KLHL8: variants seen among roughly 807,000 people sequenced by gnomAD.
The protein encoded by KLHL8 is kelch-like protein 8.
A neutral mutation model predicts 63.5 loss-of-function variants in KLHL8; 38 were observed. The ratio of observed to expected loss-of-function variants is 0.60; its 90% CI spans 0.46 to 0.78. The LOEUF (loss-of-function observed/expected upper bound fraction) is 0.78, where lower values mean the gene tolerates loss of function less well. Ranked by LOEUF, KLHL8 falls within the 30% of genes least tolerant of loss-of-function variation. KLHL8 has a pLI of 0.00. For synonymous variants in KLHL8, 224 were observed against 254.3 expected (o/e 0.88, Z 1.13); for missense variants, 566 against 752.4 (o/e 0.75, Z 2.90).
At chr4:87,207,780 C>A in intron 1 of KLHL8, 1 of 889,376 alleles carries the variant, frequency 1.1e-6, no homozygotes. Context: ...CTGGCATGGC[C>A]TTCTGTGTCA....
At chr4:87,220,717 G>A (rs1024576183), upstream of KLHL8, 1 of 152,296 alleles carries the variant, frequency 6.6e-6, no homozygotes, top group Non-Finnish European at 1.5e-5. Context: ...TCGCCCCCGC[G>A]GCTCCCTAGT....
At chr4:87,179,273 T>C (rs759246420) in intron 4 of KLHL8, among the ~76,000 whole-genome samples, 1 of 152,202 alleles carries the variant, frequency 6.6e-6, no homozygotes, top group Non-Finnish European at 1.5e-5. Context: ...TTCCTCTCTA[T>C]TCCCAATACC....
chr4:87,166,721 G>C (rs1345016146), intron 8 of KLHL8: 3 of 152,280 alleles, frequency 2.0e-5, no homozygotes, highest in Admixed American at 1.3e-4. Context: ...ATTATGGTCT[G>C]AGAAATCACT....
intron 6 of KLHL8, among the ~76,000 whole-genome samples, chr4:87,172,136 G>C (rs948696220): frequency 6.6e-6 from 1 of 152,142 alleles, no homozygotes; most frequent in Admixed American, 6.5e-5. Context: ...AAGCAGAGAG[G>C]TTTCTCCAGC....
Position 87,204,028 on chromosome 4 carries a change from A to C in KLHL8, c.-151-8338T>G, listed in dbSNP as rs909358857. 2.0e-5 allele frequency among the ~76,000 whole-genome samples: 3 copies of C among 152,210 alleles called. No individual in the cohort carries two copies. The East Asian group carries it at 5.8e-4, about 29-fold the overall frequency. ...ACATGGATGGAAAATAAGCACACAA[A>C]AAGATGTTCAACATCACTGCCATTA... On this transcript the variant is annotated intron_variant, in intron 1 of 9. Coordinates refer to ENST00000273963, the MANE Select transcript of KLHL8 (RefSeq NM_020803.5).
intron 2 of KLHL8, 36 bp downstream of exon 2, chr4:87,195,288 A>T: frequency 6.5e-7 from 1 of 1,528,804 alleles, no homozygotes; most frequent in Non-Finnish European, 9.0e-7. Flanking sequence ...ATTACACTGA[A>T]GAGGCCTGAG....
chr4:87,234,368 G>A (rs1317658663), intron 1 of KLHL8, among the ~76,000 whole-genome samples: 2 of 151,976 alleles, frequency 1.3e-5, no homozygotes, highest in Non-Finnish European at 2.9e-5. Flanking sequence ...GAACCTGGGA[G>A]GCAGAGGTTG....
intron 1 of KLHL8, chr4:87,207,046 C>G (rs1019946527): frequency 2.0e-5 from 8 of 399,716 alleles, no homozygotes; most frequent in Admixed American, 1.6e-4. Context: ...ATTTGACACA[C>G]AGCTGCATCT....
chr4:87,211,054 T>A (rs1172981922), intron 1 of KLHL8, among the ~76,000 whole-genome samples: 2 of 152,238 alleles, frequency 1.3e-5, no homozygotes, highest in Non-Finnish European at 2.9e-5. Flanking sequence ...ATAGGCACCG[T>A]CTCTCTTCAC....
intron 1 of KLHL8, among the ~76,000 whole-genome samples, chr4:87,235,226 C>T (rs931707608): frequency 3.3e-5 from 5 of 152,294 alleles, no homozygotes; most frequent in Middle Eastern, 3.4e-3. Flanking sequence ...AACTTCCAGT[C>T]CTGCATGCTC....
At chr4:87,174,792 A>G (rs759582052) in intron 6 of KLHL8, among the ~76,000 whole-genome samples, 4 of 152,194 alleles carry the variant, frequency 2.6e-5, no homozygotes, top group Non-Finnish European at 4.4e-5. Context: ...ATAAAATTTA[A>G]TCTCCCATTT....
At chr4:87,232,320 T>A (rs903311281) in intron 1 of KLHL8, among the ~76,000 whole-genome samples, 2 of 152,262 alleles carry the variant, frequency 1.3e-5, no homozygotes, top group African/African-American at 4.8e-5. Flanking sequence ...TTCTTATTCT[T>A]ATTGTATTTG....
rs562521617 is a variant in KLHL8, at chr4:87,209,332, T to C, written c.-152+11086A>G. Among the ~76,000 whole-genome samples, 9 of 152,236 alleles carry C rather than the reference T, an allele frequency of 5.9e-5. No individual in the cohort carries two copies. The South Asian group carries it at 1.2e-3, about 21-fold the overall frequency. ...GTGGCACATCATTGTCATAACATGC[T>C]ACAGATGTCCATTTCTATCACATGT... On this transcript the variant is annotated intron_variant, in intron 1 of 9. Transcript: ENST00000273963.
chr4:87,195,628 T>A lies in KLHL8; in HGVS notation c.-89A>T. 1 of 1,034,864 alleles carries A rather than the reference T, an allele frequency of 9.7e-7. No individual in the cohort carries two copies. Among genetic ancestry groups the A allele is most frequent in the Non-Finnish European group, 1.5e-6 (1 of 685,474 alleles). 64.1% of individuals were successfully genotyped at this position (1,034,864 alleles called of 1,614,324 possible). Reference sequence around the variant, plus strand: ...GTAGAGAGAAGGCAGAAGGTAGATGTAGACACTACAATTCAGACGTTTTTC... The same window carrying A: ...GTAGAGAGAAGGCAGAAGGTAGATGAAGACACTACAATTCAGACGTTTTTC... On this transcript the variant is annotated 5_prime_UTR_variant, in exon 2 of 10. Transcript: ENST00000273963.
intron 1 of KLHL8, among the ~76,000 whole-genome samples, chr4:87,198,364 CCCAAGCTCATAG>C (rs1292206516): frequency 6.6e-6 from 1 of 151,934 alleles, no homozygotes; most frequent in Non-Finnish European, 1.5e-5. Context: ...TGATTTAATC[CCCAAGCTCATAG>C]TTTGCTGATC....
chr4:87,165,323 T>C (rs1730356745), intron 8 of KLHL8, among the ~76,000 whole-genome samples: 1 of 152,106 alleles, frequency 6.6e-6, no homozygotes, highest in African/African-American at 2.4e-5. Context: ...ATATAAAACA[T>C]TTTTTCATTA....
At chr4:87,232,441 T>C (rs1245044646) in intron 1 of KLHL8, among the ~76,000 whole-genome samples, 1 of 152,260 alleles carries the variant, frequency 6.6e-6, no homozygotes, top group East Asian at 1.9e-4. Flanking sequence ...TGATGGATAC[T>C]TGGATTACTT....
At position 87,160,457 on chromosome 4, in the gene KLHL8, GTTTACCA is replaced by G. The variant is rs1337650367; in HGVS notation, c.*3055_*3061del. On this transcript the variant is annotated 3_prime_UTR_variant, in exon 10 of 10. Transcript: ENST00000273963. The stretch of plus-strand genomic sequence containing the variant: ...AAAAAGAAACAAAGAAAATTCTCAA[GTTTACCA>G]TTTACAAGAATAGTTTATGCAATTT... The G allele has an allele frequency of 9.9e-5, 15 of 152,102 alleles. No homozygotes were observed. The allele number at this position is 152,102 out of a possible 1,614,324, so 9.4% of individuals were successfully genotyped here. A position where few individuals can be genotyped will look rare whatever the true frequency, so the allele number is the denominator to read the frequency against.
intron 1 of KLHL8, among the ~76,000 whole-genome samples, chr4:87,201,242 G>A (rs7656452): frequency 0.31 from 46,596 of 152,006 alleles, 7,801 homozygotes; most frequent in Middle Eastern, 0.45. Flanking sequence ...CTTGAAAATG[G>A]TTAAGATGGT....
Sources: allele counts gnomAD v4.1 joint callset (sites outside exome capture counted in the v4.1 genomes callset), GRCh38; gene constraint gnomAD v4.1.1; transcripts MANE v1.5; gene names NCBI Gene and HGNC (gene_info 2026-07-23, HGNC 2026-07-21).